Variants in DPP10 observed in about 807,000 individuals in gnomAD.
DPP10 encodes the protein inactive dipeptidyl peptidase 10.
DPP10 carries 33 observed loss-of-function variants against 120.9 expected under a neutral mutation model. The ratio of observed to expected loss-of-function variants is 0.27; its 90% CI spans 0.21 to 0.37. The LOEUF is 0.37. DPP10 is among the 10% of genes least tolerant of loss of function. The pLI is 1.00. For missense variants in DPP10, 816 were observed against 942.8 expected, an observed-to-expected ratio of 0.87 and a Z score of 1.76; for synonymous variants, 337 against 326.1, an observed-to-expected ratio of 1.03 and a Z score of -0.36.
At chr2:115,803,076 G>T (rs1311289937) in intron 19 of DPP10, among the ~76,000 whole-genome samples, 2 of 152,130 alleles carry the variant, frequency 1.3e-5, no homozygotes, top group East Asian at 3.9e-4. Flanking sequence ...AAGTCTCTTT[G>T]TAGGTCACTA....
intron 19 of DPP10, among the ~76,000 whole-genome samples, chr2:115,810,197 G>A (rs1220014922): frequency 8.0e-5 from 12 of 150,932 alleles, no homozygotes; most frequent in Non-Finnish European, 1.8e-4. Context: ...GATAATTTGT[G>A]ATCTTAACTA....
intron 1 of DPP10, among the ~76,000 whole-genome samples, chr2:114,942,362 C>T (rs7422027): frequency 2.3e-4 from 21 of 91,142 alleles, no homozygotes; most frequent in Admixed American, 8.3e-4. Flanking sequence ...TATATATATA[C>T]ATATATATAC....
At chr2:115,186,092 T>A (rs2054416544) in intron 1 of DPP10, among the ~76,000 whole-genome samples, 1 of 152,228 alleles carries the variant, frequency 6.6e-6, no homozygotes, top group Non-Finnish European at 1.5e-5. Context: ...TGACTTCATG[T>A]CTAACCCTTT....
Position 115,514,993 on chromosome 2 carries a change from C to T in DPP10, c.367-10905C>T, listed in dbSNP as rs10185194. Reference sequence around the variant, plus strand: ...GTGTATGTGTATATGTAAGTGTATACGTCTACATTATATTTAATTTCAACA... The same window carrying T: ...GTGTATGTGTATATGTAAGTGTATATGTCTACATTATATTTAATTTCAACA... On this transcript the variant is annotated intron_variant, in intron 4 of 25. Transcript: ENST00000410059. 2.2e-3 allele frequency among the ~76,000 whole-genome samples: 327 copies of T among 151,722 alleles called. 1 individual carries two copies. Among genetic ancestry groups the T allele is most frequent in the African/African-American group, 6.9e-3 (288 of 41,454 alleles).
intron 1 of DPP10, among the ~76,000 whole-genome samples, chr2:114,453,247 A>G (rs1317558808): frequency 6.6e-6 from 1 of 152,198 alleles, no homozygotes; most frequent in Non-Finnish European, 1.5e-5. Context: ...ACAAACGTGT[A>G]TTAATTTAAA....
chr2:114,760,423 C>G (rs1053006606), intron 1 of DPP10, among the ~76,000 whole-genome samples: 9 of 152,218 alleles, frequency 5.9e-5, no homozygotes, highest in African/African-American at 1.9e-4. Context: ...CCTGTAGGAT[C>G]AGGTACAGTG....
chr2:115,784,983 A>C (rs931110264), intron 17 of DPP10, among the ~76,000 whole-genome samples: 16 of 152,218 alleles, frequency 1.1e-4, no homozygotes, highest in African/African-American at 3.4e-4. Flanking sequence ...TTTTAATGGA[A>C]TATTACTCAG....
intron 1 of DPP10, among the ~76,000 whole-genome samples, chr2:114,681,661 A>G (rs890072934): frequency 6.6e-6 from 1 of 152,114 alleles, no homozygotes; most frequent in African/African-American, 2.4e-5. Flanking sequence ...TGAAAAAAAG[A>G]AGAAAATGCT....
At chr2:114,716,163 A>G (rs1043748259) in intron 1 of DPP10, among the ~76,000 whole-genome samples, 5 of 152,276 alleles carry the variant, frequency 3.3e-5, no homozygotes, top group South Asian at 4.1e-4. Flanking sequence ...ATGCTAGGAA[A>G]TATAAGAAAG....
intron 5 of DPP10, among the ~76,000 whole-genome samples, chr2:115,552,871 T>G (rs915686234): frequency 6.6e-6 from 1 of 152,080 alleles, no homozygotes; most frequent in African/African-American, 2.4e-5. Flanking sequence ...CTTTAAGTTA[T>G]TCTTCATTCT....
chr2:115,290,476 A>T (rs562154336), intron 1 of DPP10, among the ~76,000 whole-genome samples: 1 of 152,314 alleles, frequency 6.6e-6, no homozygotes, highest in African/African-American at 2.4e-5. Flanking sequence ...CACTAGGAAC[A>T]TGGCTGTTCA....
At chr2:115,693,918 C>T (rs1204791840) in intron 7 of DPP10, among the ~76,000 whole-genome samples, 1 of 151,908 alleles carries the variant, frequency 6.6e-6, no homozygotes, top group African/African-American at 2.4e-5. Flanking sequence ...TAGTATCTGG[C>T]CTATAATAAG....
At chr2:114,460,189 CTATCTATCTATCT>C (rs1472320448) in intron 1 of DPP10, among the ~76,000 whole-genome samples, 3 of 151,144 alleles carry the variant, frequency 2.0e-5, no homozygotes, top group Non-Finnish European at 4.4e-5. Flanking sequence ...ATCTATCTAT[CTATCTATCTATCT>C]ATCTATCTAT....
At chr2:115,017,825 A>C (rs1364935280) in intron 1 of DPP10, among the ~76,000 whole-genome samples, 1 of 145,022 alleles carries the variant, frequency 6.9e-6, no homozygotes, top group Non-Finnish European at 1.5e-5. Context: ...GGACACAGGT[A>C]GGGGGACATC....
chr2:115,069,409 T>C (rs1338903869), intron 1 of DPP10, among the ~76,000 whole-genome samples: 1 of 152,082 alleles, frequency 6.6e-6, no homozygotes, highest in Non-Finnish European at 1.5e-5. Context: ...TACACTGAAG[T>C]TGCTTATTAG....
At chr2:115,667,727 G>C (rs2089568320) in intron 5 of DPP10, among the ~76,000 whole-genome samples, 1 of 151,966 alleles carries the variant, frequency 6.6e-6, no homozygotes, top group Non-Finnish European at 1.5e-5. Context: ...ATGCCATTTT[G>C]GTTACTGCAG....
chr2:115,458,527 A>G (rs1261207521), intron 3 of DPP10, among the ~76,000 whole-genome samples: 2 of 152,096 alleles, frequency 1.3e-5, no homozygotes, highest in Non-Finnish European at 2.9e-5. Context: ...ACTCTCGAAA[A>G]GAAAGAAAAT....
At chr2:114,530,178 A>C (rs1401681017) in intron 1 of DPP10, among the ~76,000 whole-genome samples, 1 of 152,168 alleles carries the variant, frequency 6.6e-6, no homozygotes, top group African/African-American at 2.4e-5. Flanking sequence ...TTTATGATGG[A>C]GTATAATTAC....
At chr2:115,669,703 A>T (rs879224709) in intron 5 of DPP10, among the ~76,000 whole-genome samples, 4 of 152,100 alleles carry the variant, frequency 2.6e-5, no homozygotes, top group African/African-American at 9.7e-5. Context: ...CTTCTGTTCC[A>T]GATTTGTTAT....
Sources: gnomAD v4.1 joint callset for allele counts (sites outside exome capture counted in the v4.1 genomes callset) on GRCh38, gnomAD v4.1.1 for gene constraint, MANE v1.5 for transcripts, NCBI Gene and HGNC (gene_info 2026-07-23, HGNC 2026-07-21) for gene names.